CUL4B: variants seen among roughly 807,000 people sequenced by gnomAD.
The protein encoded by CUL4B is cullin-4B.
In CUL4B, 1 loss-of-function variant was observed where a neutral mutation model predicts 69.2. The observed-to-expected ratio is 0.01, with a 90% CI of 0.01 to 0.07. The LOEUF is 0.07. Ranked by LOEUF, CUL4B falls within the 10% of genes least tolerant of loss-of-function variation. The probability of loss-of-function intolerance (pLI) is 1.00; values close to 1 mark genes in which losing one functional copy is unlikely to be tolerated. For missense variants in CUL4B, 328 were observed against 638.8 expected, an observed-to-expected ratio of 0.51 and a Z score of 5.24; for synonymous variants, 237 against 223.2, an observed-to-expected ratio of 1.06 and a Z score of -0.55.
At chrX:120,534,449 C>T (rs772137972) in intron 17 of CUL4B, 32 bp downstream of exon 17, 4 of 920,925 alleles carry the variant, frequency 4.3e-6, no homozygotes, top group Non-Finnish European at 6.3e-6. Flanking sequence ...TAGTGGTGTG[C>T]ACATAGTGAA....
At chrX:120,538,041 T>TGTG (rs1437382499) in intron 14 of CUL4B, 83 bp downstream of exon 14, 1 of 678,756 alleles carries the variant, frequency 1.5e-6, no homozygotes, top group Admixed American at 2.6e-5. Flanking sequence ...ACGTTTCTAT[T>TGTG]TATCCTCTTT....
chrX:120,552,262 C>T lies in CUL4B; in HGVS notation c.673-5023G>A, dbSNP rs373582001. 2.0e-4 allele frequency among the ~76,000 whole-genome samples: 22 copies of T among 111,644 alleles called. No homozygotes were observed. In the East Asian group the frequency reaches 6.2e-3, roughly 31 times the overall value. On this transcript the variant is annotated intron_variant, in intron 2 of 19. Coordinates refer to ENST00000371322, the MANE Select transcript of CUL4B (RefSeq NM_001079872.2). ...TCCTGGGTTCAACCGATTCTCATGC[C>T]TTAGCCTTCCCAGTAGCTCGGATTA...
Position 120,526,610 on chromosome X carries a change from CACT to C in CUL4B, c.*148_*150del. Reference sequence around the variant, plus strand: ...TACTCTTTAAAATGGGCATGTTAACCACTGAGAAAAAGTCCACTCAACTATTTC... The same window carrying C: ...TACTCTTTAAAATGGGCATGTTAACCGAGAAAAAGTCCACTCAACTATTTC... On this transcript the variant is annotated 3_prime_UTR_variant, in exon 20 of 20. Coordinates refer to ENST00000371322, the MANE Select transcript of CUL4B (RefSeq NM_001079872.2). 1 of 391,340 alleles carries C rather than the reference CACT, an allele frequency of 2.6e-6. No homozygotes were observed. Among genetic ancestry groups the C allele is most frequent in the Admixed American group, 3.1e-5 (1 of 31,885 alleles). The allele number at this position is 391,340 out of a possible 1,213,427, so 32.3% of individuals were successfully genotyped here.
chrX:120,547,112 G>A (rs201325911), intron 3 of CUL4B, 24 bp downstream of exon 3: 21 of 1,081,422 alleles, frequency 1.9e-5, no homozygotes, highest in Non-Finnish European at 2.0e-5. Context: ...AACTATTCAC[G>A]ATTTTTTGTT....
chrX:120,559,671 G>T, intron 1 of CUL4B: 1 of 470,424 alleles, frequency 2.1e-6, no homozygotes, highest in Non-Finnish European at 3.3e-6. Context: ...GCATTTCTAG[G>T]CATTGGATAA....
At chrX:120,527,125 C>A (rs1324177737) in intron 19 of CUL4B, among the ~76,000 whole-genome samples, 5 of 108,526 alleles carry the variant, frequency 4.6e-5, no homozygotes, top group Non-Finnish European at 9.6e-5. Context: ...AGTGGCACCA[C>A]TTTGGCTCAC....
intron 14 of CUL4B, among the ~76,000 whole-genome samples, chrX:120,537,374 T>C (rs1391973248): frequency 9.0e-6 from 1 of 110,718 alleles, no homozygotes; most frequent in Non-Finnish European, 1.9e-5. Flanking sequence ...TGAATACCCC[T>C]ATGTGGCTTA....
At chrX:120,564,853 C>T (rs767564735), upstream of CUL4B, among the ~76,000 whole-genome samples, 2 of 112,305 alleles carry the variant, frequency 1.8e-5, no homozygotes, top group Non-Finnish European at 3.8e-5. Context: ...CCAGACTGGG[C>T]ACTTAACACA....
In CUL4B at chrX:120,560,865, G is replaced by C. The variant is rs1015869926; in HGVS notation, c.-227C>G. 1 of 750,619 alleles carries C rather than the reference G, an allele frequency of 1.3e-6. No homozygotes were observed. Among genetic ancestry groups the C allele is most frequent in the Non-Finnish European group, 1.6e-6 (1 of 638,405 alleles). The allele number at this position is 750,619 out of a possible 1,213,427, so 61.9% of individuals were successfully genotyped here. Reference sequence around the variant, plus strand: ...GGAGTGAGCAGAACGAGGGGGGAGAGCGAATGAGGAGGCAGACAGGTAAAC... The same window carrying C: ...GGAGTGAGCAGAACGAGGGGGGAGACCGAATGAGGAGGCAGACAGGTAAAC... On this transcript the variant is annotated 5_prime_UTR_variant, in exon 1 of 20. Transcript: ENST00000371322.
chrX:120,566,071 T>C (rs1361432376), upstream of CUL4B, among the ~76,000 whole-genome samples: 3 of 107,663 alleles, frequency 2.8e-5, no homozygotes, highest in East Asian at 6.0e-4. Context: ...AGGATCATCT[T>C]TGAAGCAGGA....
At chrX:120,574,458 A>G (rs1383153919) in intron 2 of CUL4B, 2 of 742,054 alleles carry the variant, frequency 2.7e-6, no homozygotes, top group Non-Finnish European at 4.2e-6. Flanking sequence ...TCGGCCTCCC[A>G]AAGTGCTGGG....
chrX:120,526,683 G>A lies in CUL4B; in HGVS notation c.*78C>T, dbSNP rs939173103. The A allele has an allele frequency of 1.7e-5, 11 of 648,945 alleles. No individual in the cohort carries two copies. Among genetic ancestry groups the A allele is most frequent in the Non-Finnish European group, 2.8e-5 (11 of 398,960 alleles). The allele number at this position is 648,945 out of a possible 1,213,427, so 53.5% of individuals were successfully genotyped here. A position where few individuals can be genotyped will look rare whatever the true frequency, so the allele number is the denominator to read the frequency against. The stretch of plus-strand genomic sequence containing the variant: ...TTTGGTCATCGGTAGTAAAAAAGGA[G>A]TCAAATAATATTGAATCAACAGGTT... On this transcript the variant is annotated 3_prime_UTR_variant, in exon 20 of 20. Transcript: ENST00000371322.
intron 3 of CUL4B, 59 bp downstream of exon 3, chrX:120,547,077 G>T: frequency 1.3e-6 from 1 of 770,094 alleles, no homozygotes; most frequent in East Asian, 3.2e-5. Context: ...TAAACAGTGA[G>T]GGGTAGGGAC....
chrX:120,530,706 AG>A (rs1361216726), intron 18 of CUL4B, among the ~76,000 whole-genome samples: 1 of 112,159 alleles, frequency 8.9e-6, no homozygotes, highest in East Asian at 2.8e-4. Flanking sequence ...AAACTAGTTA[AG>A]AGTCAACCTC....
intron 19 of CUL4B, among the ~76,000 whole-genome samples, chrX:120,528,938 T>C (rs1376973720): frequency 8.9e-6 from 1 of 111,849 alleles, no homozygotes; most frequent in African/African-American, 3.2e-5. Flanking sequence ...AAATATAATA[T>C]AATCTTGTTT....
At chrX:120,547,724 C>T (rs1194092767) in intron 2 of CUL4B, among the ~76,000 whole-genome samples, 1 of 111,242 alleles carries the variant, frequency 9.0e-6, no homozygotes, top group Non-Finnish European at 1.9e-5. Context: ...GAGGGTGTTG[C>T]CAAAAGAGAT....
At chrX:120,561,689 TA>T (rs1925332963), upstream of CUL4B, among the ~76,000 whole-genome samples, 1 of 108,377 alleles carries the variant, frequency 9.2e-6, no homozygotes, top group Admixed American at 9.9e-5. Context: ...GAATAAAACG[TA>T]AGGGTCCGGG....
At chrX:120,532,119 A>G (rs1206078064) in intron 18 of CUL4B, among the ~76,000 whole-genome samples, 1 of 111,965 alleles carries the variant, frequency 8.9e-6, no homozygotes, top group Non-Finnish European at 1.9e-5. Flanking sequence ...TATAAGAGCC[A>G]TGTAAAAATA....
Position 120,540,554 on chromosome X carries a change from G to C in CUL4B, c.1452C>G (p.Gly484=). ...TTTCAGGATTAATTACAATAGTGCTGCCAAATGCCTAAAACAAAAAATTAC... is the reference window on the plus strand; with the variant it reads ...TTTCAGGATTAATTACAATAGTGCTCCCAAATGCCTAAAACAAAAAATTAC... ...QQWIEYIKAF[G]STIVINPEKD... Residue 484 remains glycine (G), a synonymous_variant, in exon 11 of 20, where the codon GGC becomes GGG. Coordinates refer to ENST00000371322, the MANE Select transcript of CUL4B (RefSeq NM_001079872.2). The C allele has an allele frequency of 8.4e-7, 1 of 1,197,419 alleles. No homozygotes were observed. Among genetic ancestry groups the C allele is most frequent in the Admixed American group, 2.2e-5 (1 of 45,225 alleles).
Sources: allele counts gnomAD v4.1 joint callset (sites outside exome capture counted in the v4.1 genomes callset), GRCh38; gene constraint gnomAD v4.1.1; transcripts MANE v1.5; gene names NCBI Gene and HGNC (gene_info 2026-07-23, HGNC 2026-07-21).